Variants in WLS observed in about 807,000 individuals in gnomAD.
The protein encoded by WLS is protein wntless homolog.
Under a neutral mutation model 62.8 loss-of-function variants are expected in WLS, and 23 were observed. The ratio of observed to expected loss-of-function variants is 0.37; its 90% confidence interval spans 0.26 to 0.52. WLS has a LOEUF of 0.52. WLS is among the 20% of genes least tolerant of loss of function. The pLI is 0.92. For synonymous variants in WLS, 246 were observed against 244.1 expected (o/e 1.01, Z -0.07); for missense variants, 615 against 697.3 (o/e 0.88, Z 1.33).
intron 1 of WLS, among the ~76,000 whole-genome samples, chr1:68,206,050 T>C (rs1649266878): frequency 6.6e-6 from 1 of 152,176 alleles, no homozygotes; most frequent in Non-Finnish European, 1.5e-5. Flanking sequence ...GAAAGAGCGA[T>C]GTAGGATGAA....
At chr1:68,213,769 G>T (rs948734233) in intron 1 of WLS, among the ~76,000 whole-genome samples, 3 of 152,034 alleles carry the variant, frequency 2.0e-5, no homozygotes, top group Non-Finnish European at 4.4e-5. Flanking sequence ...TATGGATCTT[G>T]TCTTCCCAAA....
At chr1:68,140,611 C>T (rs1034919909) in intron 10 of WLS, among the ~76,000 whole-genome samples, 11 of 152,222 alleles carry the variant, frequency 7.2e-5, no homozygotes, top group African/African-American at 1.9e-4. Context: ...GCTCCCGTCT[C>T]GTACTTGCTC....
At chr1:68,135,365 G>A (rs1646593445) in intron 11 of WLS, among the ~76,000 whole-genome samples, 2 of 136,106 alleles carry the variant, frequency 1.5e-5, no homozygotes, top group African/African-American at 5.7e-5. Flanking sequence ...GCCTAGGCTG[G>A]TCTCAAACTT....
In WLS at chr1:68,114,764, G is replaced by A. The variant is rs562415248; in HGVS notation, c.1511-16011C>T. Among the ~76,000 whole-genome samples, 4 of 152,328 alleles carry A rather than the reference G, an allele frequency of 2.6e-5. No homozygotes were observed. The South Asian group carries it at 8.3e-4, about 32-fold the overall frequency. On this transcript the variant is annotated intron_variant, in intron 11 of 11. Transcript: ENST00000354777. ...AGAAGTGGGCAAGATTCATATTTGT[G>A]CCTTAGCAAAACTGCCAGTTATCAT...
rs1646163447 is a variant in WLS, at chr1:68,107,462, C to T, written c.1511-8709G>A. Among the ~76,000 whole-genome samples the T allele has an allele frequency of 2.6e-5, 4 of 152,278 alleles. 1 individual carries two copies. The South Asian group carries it at 8.3e-4, about 32-fold the overall frequency. On this transcript the variant is annotated intron_variant, in intron 11 of 11. Transcript: ENST00000354777. The stretch of plus-strand genomic sequence containing the variant: ...ACATTGCTTCAAGTCCCAACTCTGC[C>T]ACTTACTAGCCATGTGACCTTAAGC...
intron 1 of WLS, chr1:68,228,126 TA>T: frequency 2.8e-6 from 1 of 355,044 alleles, no homozygotes; most frequent in Non-Finnish European, 5.4e-6. Context: ...TCCTCAACAT[TA>T]AAAATTTAAA....
intron 2 of WLS, among the ~76,000 whole-genome samples, chr1:68,178,712 A>AAAAAAAAG (rs1330119707): frequency 6.6e-6 from 1 of 151,932 alleles, no homozygotes; most frequent in African/African-American, 2.4e-5. Context: ...TTTCAAAAAA[A>AAAAAAAAG]AAAAAAAGAA....
intron 11 of WLS, among the ~76,000 whole-genome samples, chr1:68,128,075 C>T (rs1646461953): frequency 6.6e-6 from 1 of 152,180 alleles, no homozygotes; most frequent in Non-Finnish European, 1.5e-5. Flanking sequence ...CTGCTGAAGA[C>T]ATTTGGGGCT....
intron 1 of WLS, among the ~76,000 whole-genome samples, chr1:68,228,949 T>G (rs1233803803): frequency 6.9e-6 from 1 of 144,438 alleles, no homozygotes; most frequent in Non-Finnish European, 1.5e-5. Flanking sequence ...ATATTTAAGC[T>G]GGCTAAACCA....
At chr1:68,209,326 A>T (rs2149822) in intron 1 of WLS, among the ~76,000 whole-genome samples, 16,257 of 152,242 alleles carry the variant, frequency 0.11, 1,157 homozygotes, top group East Asian at 0.38. Context: ...AGAGATTCCA[A>T]GTTCTCAGCA....
intron 1 of WLS, among the ~76,000 whole-genome samples, chr1:68,213,917 C>G (rs564611497): frequency 6.6e-6 from 1 of 152,254 alleles, no homozygotes; most frequent in African/African-American, 2.4e-5. Flanking sequence ...AAAGAAACCT[C>G]GAGTCATCAT....
At chr1:68,103,116 G>A (rs968054589) in intron 11 of WLS, among the ~76,000 whole-genome samples, 1 of 152,018 alleles carries the variant, frequency 6.6e-6, no homozygotes, top group African/African-American at 2.4e-5. Context: ...CTCCCACCAG[G>A]GTGCATACCT....
chr1:68,135,305 C>CTTTTTTTTT (rs71581156), intron 11 of WLS, among the ~76,000 whole-genome samples: 13 of 66,788 alleles, frequency 1.9e-4, no homozygotes, highest in East Asian at 1.2e-3. Context: ...CCATGCCTGG[C>CTTTTTTTTT]TTTTTTTTTT....
chr1:68,204,369 G>GAGTGC (rs1488971152), intron 1 of WLS, among the ~76,000 whole-genome samples: 1 of 151,970 alleles, frequency 6.6e-6, no homozygotes, highest in Non-Finnish European at 1.5e-5. Context: ...GTCCAGGCTG[G>GAGTGC]AGTGCAGTGG....
At chr1:68,226,859 A>T (rs972051086) in intron 1 of WLS, among the ~76,000 whole-genome samples, 6 of 152,228 alleles carry the variant, frequency 3.9e-5, no homozygotes, top group African/African-American at 1.4e-4. Context: ...CTTTATGAGG[A>T]ATATAAGGTA....
chr1:68,155,462 C>A (rs1226647184), intron 3 of WLS, among the ~76,000 whole-genome samples: 3 of 152,156 alleles, frequency 2.0e-5, no homozygotes, highest in African/African-American at 4.8e-5. Flanking sequence ...ACAACAACAA[C>A]AACAAAAAAC....
intron 2 of WLS, chr1:68,161,731 T>A (rs1242995683): frequency 6.6e-7 from 1 of 1,509,316 alleles, no homozygotes; most frequent in African/African-American, 1.4e-5. Flanking sequence ...TGTATCTGAA[T>A]GATTACCTTC....
intron 11 of WLS, among the ~76,000 whole-genome samples, chr1:68,113,716 C>T (rs969132441): frequency 1.3e-5 from 2 of 152,186 alleles, no homozygotes; most frequent in African/African-American, 4.8e-5. Context: ...AATGCATCGT[C>T]TCAGGCCCTT....
chr1:68,207,679 G>A (rs1649334147), intron 1 of WLS, among the ~76,000 whole-genome samples: 1 of 152,180 alleles, frequency 6.6e-6, no homozygotes, highest in Non-Finnish European at 1.5e-5. Flanking sequence ...AAAAACTTGG[G>A]TTCAAATCCC....
Sources: allele counts gnomAD v4.1 joint callset (sites outside exome capture counted in the v4.1 genomes callset), GRCh38; gene constraint gnomAD v4.1.1; transcripts MANE v1.5; gene names NCBI Gene and HGNC (gene_info 2026-07-23, HGNC 2026-07-21).